The following NFATC2 variants were observed in gnomAD, a reference collection of about 807,000 sequenced individuals.
NFATC2 encodes nuclear factor of activated T cells 2.
NFATC2 carries 22 observed loss-of-function variants against 87.3 expected under a neutral mutation model. The ratio of observed to expected loss-of-function variants is 0.25; its 90% CI spans 0.18 to 0.36. The LOEUF (loss-of-function observed/expected upper bound fraction) is 0.36, where lower values mean the gene tolerates loss of function less well. Among genes scored for constraint, NFATC2 ranks in the 10% least tolerant of loss-of-function variants. The probability of loss-of-function intolerance (pLI) is 1.00; values close to 1 mark genes in which losing one functional copy is unlikely to be tolerated. For synonymous variants in NFATC2, 565 were observed against 542.2 expected, an observed-to-expected ratio of 1.04 and a Z score of -0.58; for missense variants, 1,149 against 1,259.1, an observed-to-expected ratio of 0.91 and a Z score of 1.32.
intron 9 of NFATC2, among the ~76,000 whole-genome samples, chr20:51,408,089 C>A (rs554075820): frequency 9.8e-5 from 15 of 152,320 alleles, no homozygotes; most frequent in Middle Eastern, 3.4e-3. Flanking sequence ...AAGGCCAAAG[C>A]CAGTTTCTCA....
At position 51,542,472 on chromosome 20, in the gene NFATC2, G is replaced by A. The variant is rs1241096462; in HGVS notation, c.28C>T (p.Pro10Ser). 1.0e-5 allele frequency: 16 copies of A among 1,563,886 alleles called. No individual in the cohort carries two copies. Among genetic ancestry groups the A allele is most frequent in the African/African-American group, 1.4e-5 (1 of 70,008 alleles). The stretch of plus-strand genomic sequence containing the variant: ...TGGCCTGGGGCGTCCCCGCCGTCGG[G>A]TTGGGGCTGCCGCTCGGGGGCGTTC... MNAPERQPQ[P>S]DGGDAPGHEP... Residue 10 changes from proline (P) to serine (S), a missense_variant, in exon 1 of 11, where the codon CCC becomes TCC. Pro to Ser is a moderately conservative substitution (Grantham distance 74). Transcript: ENST00000371564.
At chr20:51,503,731 G>T (rs1239568657) in intron 3 of NFATC2, among the ~76,000 whole-genome samples, 1 of 152,246 alleles carries the variant, frequency 6.6e-6, no homozygotes, top group Admixed American at 6.5e-5. Flanking sequence ...CCTTCAGGCT[G>T]CTGTAGCCAA....
chr20:51,498,811 C>G (rs568467891), intron 3 of NFATC2, among the ~76,000 whole-genome samples: 1 of 152,122 alleles, frequency 6.6e-6, no homozygotes, highest in Non-Finnish European at 1.5e-5. Context: ...AGTAGAAAGA[C>G]AGATGATGGC....
chr20:51,562,523 G>A lies in NFATC2; in HGVS notation c.70+37C>T. 6.6e-7 allele frequency: 1 copy of A among 1,519,776 alleles called. No homozygotes were observed. Among genetic ancestry groups the A allele is most frequent in the South Asian group, 1.2e-5 (1 of 82,034 alleles). The allele number at this position is 1,519,776 out of a possible 1,614,324, so 94.1% of individuals were successfully genotyped here. The stretch of plus-strand genomic sequence containing the variant: ...GCAGCAGGAAAGGGCCGGGAGGAGC[G>A]AGCGGAAAAGGCTGGAAGGGATCGA... On this transcript the variant is annotated intron_variant, in intron 1 of 10. Coordinates refer to the NFATC2 transcript ENST00000414705. This position sits in a 1 kb window ranked among gnomAD's most constrained non-coding sequence, Gnocchi z 5.8.
intron 2 of NFATC2, among the ~76,000 whole-genome samples, chr20:51,522,504 G>A (rs1050055028): frequency 2.0e-5 from 3 of 152,134 alleles, no homozygotes; most frequent in African/African-American, 7.2e-5. Context: ...CAAAGCCTAC[G>A]TGCTATTCTG....
At chr20:51,499,071 G>C (rs2076037348) in intron 3 of NFATC2, among the ~76,000 whole-genome samples, 1 of 152,150 alleles carries the variant, frequency 6.6e-6, no homozygotes, top group Non-Finnish European at 1.5e-5. Context: ...GCAGGGACCG[G>C]GTGACACGGC....
intron 5 of NFATC2, among the ~76,000 whole-genome samples, chr20:51,456,650 A>G (rs539486704): frequency 5.6e-4 from 85 of 152,196 alleles, no homozygotes; most frequent in Non-Finnish European, 1.1e-3. Context: ...GGGGTGAGTC[A>G]GTCTGAGCTC....
At chr20:51,533,295 T>C (rs1047338770) in intron 1 of NFATC2, among the ~76,000 whole-genome samples, 9 of 152,198 alleles carry the variant, frequency 5.9e-5, no homozygotes, top group African/African-American at 1.9e-4. Flanking sequence ...AGCAATGGGT[T>C]GCCTCCAAAT....
At chr20:51,476,192 A>T (rs1322338833) in intron 3 of NFATC2, among the ~76,000 whole-genome samples, 32 of 146,100 alleles carry the variant, frequency 2.2e-4, no homozygotes, top group South Asian at 4.4e-4. Context: ...TCATCATTTA[A>T]CATTAGGTAT....
intron 1 of NFATC2, among the ~76,000 whole-genome samples, chr20:51,532,546 A>G (rs1600971834): frequency 6.6e-6 from 1 of 152,134 alleles, no homozygotes; most frequent in East Asian, 1.9e-4. Context: ...GATTGAGTCA[A>G]AGATTATTTT....
At chr20:51,505,437 G>GTA (rs928489414) in intron 3 of NFATC2, among the ~76,000 whole-genome samples, 1 of 132,612 alleles carries the variant, frequency 7.5e-6, no homozygotes, top group African/African-American at 2.7e-5. Context: ...CATACACATT[G>GTA]TATATATATG....
intron 3 of NFATC2, among the ~76,000 whole-genome samples, chr20:51,481,167 T>G (rs932157407): frequency 6.6e-6 from 1 of 152,172 alleles, no homozygotes; most frequent in Non-Finnish European, 1.5e-5. Flanking sequence ...CCTCGCCAGG[T>G]CCCTGGAGGT....
At chr20:51,521,573 G>A (rs963085745) in intron 2 of NFATC2, among the ~76,000 whole-genome samples, 4 of 152,064 alleles carry the variant, frequency 2.6e-5, no homozygotes, top group Admixed American at 6.5e-5. Context: ...CGCCCACCTC[G>A]GCCTCCCAAA....
chr20:51,540,647 G>GTTTTTTTGTTTTTTTTTTTTTTTT (rs2076793412), intron 1 of NFATC2, among the ~76,000 whole-genome samples: 2 of 112,974 alleles, frequency 1.8e-5, no homozygotes, highest in African/African-American at 8.8e-5. Context: ...AAAAACTGAA[G>GTTTTTTTGTTTTTTTTTTTTTTTT]TTTTTTTTTT....
chr20:51,446,957 T>C (rs1985146167), intron 6 of NFATC2, among the ~76,000 whole-genome samples: 2 of 152,164 alleles, frequency 1.3e-5, no homozygotes, highest in African/African-American at 4.8e-5. Flanking sequence ...ACCAGGTCTA[T>C]TGTTTCAGAG....
intron 6 of NFATC2, among the ~76,000 whole-genome samples, chr20:51,452,721 C>T (rs1334061165): frequency 1.3e-5 from 2 of 152,218 alleles, no homozygotes; most frequent in African/African-American, 2.4e-5. Context: ...AAAACAATCT[C>T]GACACTCAAC....
chr20:51,457,886 CTT>C (rs11325400), intron 5 of NFATC2, among the ~76,000 whole-genome samples: 14,776 of 132,866 alleles, frequency 0.11, 1,231 homozygotes, highest in African/African-American at 0.24. Context: ...CCTCCTCGTC[CTT>C]TTTTTTTTTT....
intron 9 of NFATC2, among the ~76,000 whole-genome samples, chr20:51,425,627 T>G (rs1300020084): frequency 6.6e-6 from 1 of 152,258 alleles, no homozygotes; most frequent in East Asian, 1.9e-4. Flanking sequence ...AGGAGCCGCT[T>G]TGTCCCAGGC....
intron 1 of NFATC2, among the ~76,000 whole-genome samples, chr20:51,535,703 A>G (rs1433925830): frequency 6.6e-6 from 1 of 152,220 alleles, no homozygotes; most frequent in Non-Finnish European, 1.5e-5. Context: ...GCCCCTTTCC[A>G]TAACCTTTAA....
Sources: gnomAD v4.1 joint callset for allele counts (sites outside exome capture counted in the v4.1 genomes callset) on GRCh38, gnomAD v4.1.1 for gene constraint, Gnocchi (gnomAD v3.1) non-coding constraint, MANE v1.5 for transcripts, NCBI Gene and HGNC (gene_info 2026-07-23, HGNC 2026-07-21) for gene names.